Variants in ZFHX3 observed in about 807,000 individuals in gnomAD.
The protein encoded by ZFHX3 is zinc finger homeobox protein 3.
In ZFHX3, 42 loss-of-function variants were observed where a neutral mutation model predicts 279.1. The ratio of observed to expected loss-of-function variants is 0.15; its 90% CI spans 0.12 to 0.19. The LOEUF is 0.19. Ranked by LOEUF, ZFHX3 falls within the 10% of genes least tolerant of loss-of-function variation. The probability of loss-of-function intolerance (pLI) is 1.00; values close to 1 mark genes in which losing one functional copy is unlikely to be tolerated. For missense variants in ZFHX3, 4,981 were observed against 4,754.0 expected, an observed-to-expected ratio of 1.05 and a Z score of -1.40; for synonymous variants, 2,293 against 1,957.8, an observed-to-expected ratio of 1.17 and a Z score of -4.52.
intron 7 of ZFHX3, among the ~76,000 whole-genome samples, chr16:73,116,078 C>G (rs1361303912): frequency 1.3e-5 from 2 of 151,684 alleles, no homozygotes; most frequent in Admixed American, 1.3e-4. Context: ...AGAGATCATG[C>G]CAGTGTACTC....
At chr16:73,602,155 GA>G (rs1401685147) in intron 2 of ZFHX3, among the ~76,000 whole-genome samples, 1 of 152,102 alleles carries the variant, frequency 6.6e-6, no homozygotes, top group African/African-American at 2.4e-5. Context: ...AAAAGGAAAA[GA>G]AAAGAAGAAC....
chr16:72,942,150 T>C (rs551982030), intron 3 of ZFHX3, among the ~76,000 whole-genome samples: 1 of 152,372 alleles, frequency 6.6e-6, no homozygotes, highest in South Asian at 2.1e-4. Context: ...ACTAGACGTA[T>C]TCAAATCTGC....
chr16:72,973,352 C>T (rs969075920), intron 1 of ZFHX3: 3 of 152,250 alleles, frequency 2.0e-5, no homozygotes, highest in African/African-American at 4.8e-5. Context: ...AACTGAAACT[C>T]TCCAGAGCGG....
chr16:73,846,434 T>A (rs1294531234), intron 1 of ZFHX3, among the ~76,000 whole-genome samples: 1 of 152,192 alleles, frequency 6.6e-6, no homozygotes, highest in East Asian at 1.9e-4. Context: ...AGTTCTGGTT[T>A]GGGGATTGGT....
chr16:73,428,072 T>A (rs557847059), intron 3 of ZFHX3, among the ~76,000 whole-genome samples: 1 of 151,952 alleles, frequency 6.6e-6, no homozygotes, highest in Non-Finnish European at 1.5e-5. Flanking sequence ...ATTTGGGAGG[T>A]CTACTAAGCC....
intron 3 of ZFHX3, among the ~76,000 whole-genome samples, chr16:73,415,980 T>C (rs2017565915): frequency 6.6e-6 from 1 of 151,234 alleles, no homozygotes; most frequent in South Asian, 2.1e-4. Flanking sequence ...ATTAGCTGAG[T>C]GAGGTGATGG....
At chr16:73,358,010 G>C (rs1430146408) in intron 3 of ZFHX3, among the ~76,000 whole-genome samples, 1 of 152,216 alleles carries the variant, frequency 6.6e-6, no homozygotes, top group Non-Finnish European at 1.5e-5. Context: ...GCTGCTCCGT[G>C]AATCAGCCCT....
At chr16:73,465,015 C>T (rs1447204812) in intron 2 of ZFHX3, among the ~76,000 whole-genome samples, 7 of 152,160 alleles carry the variant, frequency 4.6e-5, no homozygotes, top group Admixed American at 3.9e-4. Flanking sequence ...TGTGCACATG[C>T]CCTAAGCAGG....
intron 1 of ZFHX3, among the ~76,000 whole-genome samples, chr16:73,690,222 A>T (rs775860177): frequency 6.6e-6 from 1 of 152,184 alleles, no homozygotes; most frequent in Admixed American, 6.5e-5. Flanking sequence ...AAGAAGCACA[A>T]ACAAGGTTTT....
At chr16:73,510,665 G>T (rs889072751) in intron 2 of ZFHX3, among the ~76,000 whole-genome samples, 1 of 152,226 alleles carries the variant, frequency 6.6e-6, no homozygotes, top group African/African-American at 2.4e-5. Context: ...GTGAATAGCA[G>T]CATGTGGTAT....
At chr16:73,515,760 A>G (rs2019510254) in intron 2 of ZFHX3, among the ~76,000 whole-genome samples, 1 of 151,986 alleles carries the variant, frequency 6.6e-6, no homozygotes, top group African/African-American at 2.4e-5. Context: ...GGAATCTGGG[A>G]CTCTATTTAG....
In ZFHX3 at chr16:73,310,495, G is replaced by C. The variant is rs1403430427; in HGVS notation, c.-1194+7745C>G. On this transcript the variant is annotated intron_variant, in intron 4 of 17. Transcript: ENST00000641206. The stretch of plus-strand genomic sequence containing the variant: ...GACAAAGACCAGTAGCTCTCCATGG[G>C]GGCAATTTTACCCCCAGGGAAATTT... Among the ~76,000 whole-genome samples, 66 of 152,130 alleles carry C rather than the reference G, an allele frequency of 4.3e-4. 2 individuals carry two copies.
chr16:73,187,195 T>C (rs531611706), intron 5 of ZFHX3, among the ~76,000 whole-genome samples: 1 of 151,402 alleles, frequency 6.6e-6, no homozygotes, highest in South Asian at 2.1e-4. Flanking sequence ...GAAATGTGTT[T>C]GTCTAAAAAC....
intron 5 of ZFHX3, among the ~76,000 whole-genome samples, chr16:73,189,928 C>G (rs1401779082): frequency 6.6e-6 from 1 of 151,702 alleles, no homozygotes; most frequent in African/African-American, 2.4e-5. Context: ...ACCCTCATCT[C>G]TAAAAAAATT....
At position 73,391,201 on chromosome 16, in the gene ZFHX3, C is replaced by T. The variant is rs182305505; in HGVS notation, c.-1291+64802G>A. 8.7e-4 allele frequency among the ~76,000 whole-genome samples: 132 copies of T among 152,230 alleles called. 1 individual carries two copies. Among genetic ancestry groups the T allele is most frequent in the African/African-American group, 2.9e-3 (119 of 41,540 alleles). The stretch of plus-strand genomic sequence containing the variant: ...ATTAAGACCCTAGGTTTTGGCCAGA[C>T]GCGGTGGCTCATGCCTGTAATTCCA... On this transcript the variant is annotated intron_variant, in intron 3 of 17. Coordinates refer to the ZFHX3 transcript ENST00000641206.
intron 1 of ZFHX3, among the ~76,000 whole-genome samples, chr16:73,759,025 C>T (rs1247785211): frequency 6.6e-6 from 1 of 152,218 alleles, no homozygotes; most frequent in Non-Finnish European, 1.5e-5. Context: ...CTGTTAACCA[C>T]TGTGCTTTCC....
intron 3 of ZFHX3, among the ~76,000 whole-genome samples, chr16:72,898,739 C>G (rs959765512): frequency 4.0e-5 from 5 of 126,554 alleles, no homozygotes; most frequent in Admixed American, 8.4e-5. Flanking sequence ...AATTATTAAC[C>G]CTGTCTCAAA....
At chr16:73,225,066 A>G (rs1292707298) in intron 5 of ZFHX3, among the ~76,000 whole-genome samples, 2 of 152,208 alleles carry the variant, frequency 1.3e-5, no homozygotes, top group Non-Finnish European at 2.9e-5. Flanking sequence ...GATAATATCT[A>G]TGAAATCATG....
chr16:73,030,517 C>T (rs1246928974), intron 1 of ZFHX3, among the ~76,000 whole-genome samples: 1 of 152,114 alleles, frequency 6.6e-6, no homozygotes. Flanking sequence ...AATTTACTGG[C>T]AGATCAATAG....
Sources: gnomAD v4.1 joint callset for allele counts (sites outside exome capture counted in the v4.1 genomes callset) on GRCh38, gnomAD v4.1.1 for gene constraint, MANE v1.5 for transcripts, NCBI Gene and HGNC (gene_info 2026-07-23, HGNC 2026-07-21) for gene names.